Variants in CCDC88A observed in about 807,000 individuals in gnomAD.
CCDC88A encodes coiled-coil and HOOK domain protein 88A, also known as girdin.
CCDC88A carries 54 observed loss-of-function variants against 234.3 expected under a neutral mutation model. The ratio of observed to expected loss-of-function variants is 0.23; its 90% CI spans 0.19 to 0.29. The LOEUF (loss-of-function observed/expected upper bound fraction) is 0.29, where lower values mean the gene tolerates loss of function less well. Among genes scored for constraint, CCDC88A ranks in the 10% least tolerant of loss-of-function variants. The probability of loss-of-function intolerance (pLI) is 1.00; values close to 1 mark genes in which losing one functional copy is unlikely to be tolerated. For missense variants in CCDC88A, 1,832 were observed against 2,123.4 expected (o/e 0.86, Z 2.70); for synonymous variants, 753 against 737.8 (o/e 1.02, Z -0.33).
At chr2:55,360,013 A>G (rs993285147) in intron 7 of CCDC88A, among the ~76,000 whole-genome samples, 1 of 152,142 alleles carries the variant, frequency 6.6e-6, no homozygotes, top group African/African-American at 2.4e-5. Flanking sequence ...AAGTTACTTA[A>G]CTACTTGGGG....
intron 29 of CCDC88A, 132 bp from the exon 30 acceptor site, chr2:55,296,655 G>T: frequency 1.2e-6 from 1 of 819,598 alleles, no homozygotes; most frequent in Non-Finnish European, 1.9e-6. Context: ...ATTTAGAAAT[G>T]CTTAGTAAAC....
intron 9 of CCDC88A, 44 bp downstream of exon 9, chr2:55,349,474 C>T: frequency 7.5e-7 from 1 of 1,327,770 alleles, no homozygotes; most frequent in Admixed American, 1.8e-5. Context: ...AATCAATTTC[C>T]AATTACTTGG....
At chr2:55,360,732 C>CT (rs950641360) in intron 7 of CCDC88A, among the ~76,000 whole-genome samples, 4 of 151,766 alleles carry the variant, frequency 2.6e-5, no homozygotes, top group Admixed American at 6.6e-5. Flanking sequence ...TGGGATCAAA[C>CT]TTTTTTTTTG....
intron 3 of CCDC88A, among the ~76,000 whole-genome samples, chr2:55,375,944 A>T (rs1230053585): frequency 6.6e-6 from 1 of 152,218 alleles, no homozygotes; most frequent in African/African-American, 2.4e-5. Flanking sequence ...CATGAAAGTC[A>T]GTTCCTCCTC....
Position 55,317,947 on chromosome 2 carries a change from C to G in CCDC88A, c.3325-106G>C, listed in dbSNP as rs1038166533. 12 of 797,882 alleles carry G rather than the reference C, an allele frequency of 1.5e-5. No homozygotes were observed. In the African/African-American group the frequency reaches 2.1e-4, roughly 14 times the overall value. The allele number at this position is 797,882 out of a possible 1,614,324, so 49.4% of individuals were successfully genotyped here. On this transcript the variant is annotated intron_variant, in intron 19 of 32. Transcript: ENST00000436346. This position sits in a 1 kb window ranked among gnomAD's most constrained non-coding sequence, Gnocchi z 4.2. ...AAAGAAAGCTCTAAATGAATCACAGCACACATATTTACATTATACTGGGAA... is the reference window on the plus strand; with the variant it reads ...AAAGAAAGCTCTAAATGAATCACAGGACACATATTTACATTATACTGGGAA...
At chr2:55,294,804 AAGG>A in intron 31 of CCDC88A, 1 of 1,009,076 alleles carries the variant, frequency 9.9e-7, no homozygotes, top group Non-Finnish European at 1.2e-6. Context: ...AAAAAATGTG[AAGG>A]AGGAGCATGT....
At chr2:55,308,611 T>A in intron 25 of CCDC88A, 198 bp downstream of exon 25, 1 of 525,690 alleles carries the variant, frequency 1.9e-6, no homozygotes, top group Admixed American at 3.5e-5. Flanking sequence ...TCTGGCCAAA[T>A]GATAGTATAT....
intron 3 of CCDC88A, among the ~76,000 whole-genome samples, chr2:55,386,658 G>C (rs1191438609): frequency 6.6e-6 from 1 of 151,346 alleles, no homozygotes; most frequent in Admixed American, 6.6e-5. Context: ...TTTTAGTAGA[G>C]ACAAGGTTTC....
At chr2:55,407,615 TAAATA>T (rs552378399) in intron 2 of CCDC88A, among the ~76,000 whole-genome samples, 12 of 151,670 alleles carry the variant, frequency 7.9e-5, no homozygotes, top group Admixed American at 3.3e-4. Context: ...AAACAATAAG[TAAATA>T]AAATAAAATA....
chr2:55,330,454 C>T (rs977270393), intron 16 of CCDC88A, among the ~76,000 whole-genome samples: 2 of 151,692 alleles, frequency 1.3e-5, no homozygotes, highest in South Asian at 2.1e-4. Flanking sequence ...ACCTGGGTGA[C>T]AAGAGCAAAA....
intron 2 of CCDC88A, 197 bp downstream of exon 2, chr2:55,418,617 ATT>A (rs1681849500): frequency 1.7e-6 from 1 of 579,338 alleles, no homozygotes; most frequent in South Asian, 2.3e-5. Flanking sequence ...AAGTTTCACA[ATT>A]TTAACAGGTA....
chr2:55,379,523 T>C (rs114227818), intron 3 of CCDC88A, among the ~76,000 whole-genome samples: 474 of 152,320 alleles, frequency 3.1e-3, no homozygotes, highest in African/African-American at 0.011. Flanking sequence ...ACACTGAAAA[T>C]ACAGCAGTGA....
At chr2:55,295,040 A>T in intron 31 of CCDC88A, 1 of 1,239,384 alleles carries the variant, frequency 8.1e-7, no homozygotes, top group Admixed American at 3.2e-5. Context: ...AATAACATCA[A>T]TATATTATAT....
chr2:55,363,796 C>T (rs919579744), intron 6 of CCDC88A, 154 bp downstream of exon 6: 50 of 512,012 alleles, frequency 9.8e-5, no homozygotes, highest in African/African-American at 9.7e-4. Context: ...GAAACTATCT[C>T]TAAAGAGAAG....
At chr2:55,360,802 C>T (rs7582580) in intron 7 of CCDC88A, among the ~76,000 whole-genome samples, 67,499 of 151,978 alleles carry the variant, frequency 0.44, 16,359 homozygotes, top group East Asian at 0.85. Flanking sequence ...AAAACCAAAG[C>T]ATAGGTTGGG....
At position 55,375,536 on chromosome 2, in the gene CCDC88A, G is replaced by GTT. The variant is rs113606051; in HGVS notation, c.274-655_274-654dup. On this transcript the variant is annotated intron_variant, in intron 3 of 32. Transcript: ENST00000436346. ...ATGTATGTATGTATAAATATGTTGG[G>GTT]TTTTTTTTTGAGATGGAGTCTCGCT... is the stretch of plus-strand genomic sequence containing the variant. Among the ~76,000 whole-genome samples the GTT allele has an allele frequency of 1.7e-3, 221 of 133,732 alleles. 2 individuals carry two copies. The highest frequency in any genetic ancestry group is 4.3e-3 in the South Asian group (18 of 4,204). The allele number at this position is 133,732 out of a possible 152,430, so 87.7% of individuals were successfully genotyped here. A position where few individuals can be genotyped will look rare whatever the true frequency, so the allele number is the denominator to read the frequency against.
chr2:55,329,163 T>G (rs1574130406), intron 16 of CCDC88A: 1 of 152,072 alleles, frequency 6.6e-6, no homozygotes, highest in African/African-American at 2.4e-5. Flanking sequence ...GGCAAGAGGG[T>G]GATGGATGTG....
At chr2:55,323,787 C>T (rs1173595669) in intron 17 of CCDC88A, 2 of 152,272 alleles carry the variant, frequency 1.3e-5, no homozygotes, top group Non-Finnish European at 2.9e-5. Context: ...TCTTGGCACC[C>T]TGCAACCTCC....
intron 8 of CCDC88A, 186 bp from the exon 9 acceptor site, chr2:55,349,785 A>G: frequency 4.0e-6 from 2 of 496,188 alleles, no homozygotes; most frequent in Non-Finnish European, 7.0e-6. Context: ...TGCCATTAAT[A>G]AAACCTCTTC....
Sources: allele counts gnomAD v4.1 joint callset (sites outside exome capture counted in the v4.1 genomes callset), GRCh38; gene constraint gnomAD v4.1.1; non-coding constraint Gnocchi (gnomAD v3.1); transcripts MANE v1.5; gene names NCBI Gene and HGNC (gene_info 2026-07-23, HGNC 2026-07-21).